GLCCI1: variants seen among roughly 807,000 people sequenced by gnomAD.
GLCCI1 encodes the protein glucocorticoid-induced transcript 1 protein.
In GLCCI1, 24 loss-of-function variants were observed where a neutral mutation model predicts 52.2. The ratio of observed to expected loss-of-function variants is 0.46; its 90% CI spans 0.33 to 0.65. The LOEUF (loss-of-function observed/expected upper bound fraction) is 0.65. GLCCI1 is among the 30% of genes least tolerant of loss of function. The pLI is 0.02. For synonymous variants in GLCCI1, 310 were observed against 276.5 expected, an observed-to-expected ratio of 1.12 and a Z score of -1.20; for missense variants, 704 against 701.5, an observed-to-expected ratio of 1.00 and a Z score of -0.04.
chr7:8,053,315 G>GTTTTT (rs71014751), intron 3 of GLCCI1, among the ~76,000 whole-genome samples: 14 of 129,988 alleles, frequency 1.1e-4, no homozygotes, highest in South Asian at 2.4e-4. Context: ...TTTTGTTTTC[G>GTTTTT]TTTTTTTTTT....
At chr7:8,004,473 C>G (rs1444467376) in intron 2 of GLCCI1, among the ~76,000 whole-genome samples, 5 of 152,096 alleles carry the variant, frequency 3.3e-5, no homozygotes, top group Non-Finnish European at 5.9e-5. Context: ...CTGTTTAAAA[C>G]CAAGACTAAA....
At chr7:7,984,789 C>CT (rs146281745) in intron 1 of GLCCI1, among the ~76,000 whole-genome samples, 2,161 of 152,302 alleles carry the variant, frequency 0.014, 40 homozygotes, top group East Asian at 0.04. Context: ...ATGAATACAT[C>CT]TTTTCCATTC....
chr7:7,986,372 A>T (rs1340655749), intron 1 of GLCCI1, among the ~76,000 whole-genome samples: 1 of 82,850 alleles, frequency 1.2e-5, no homozygotes, highest in African/African-American at 5.3e-5. Context: ...ATTAGCCGGG[A>T]GCAGGGGGAG....
intron 3 of GLCCI1, among the ~76,000 whole-genome samples, chr7:8,030,358 C>A (rs1781719114): frequency 6.6e-6 from 1 of 152,092 alleles, no homozygotes; most frequent in Non-Finnish European, 1.5e-5. Flanking sequence ...AAACCTGACT[C>A]CTTTTTTTCA....
intron 1 of GLCCI1, among the ~76,000 whole-genome samples, chr7:7,993,245 A>C (rs553940577): frequency 7.5e-4 from 114 of 152,218 alleles, no homozygotes; most frequent in African/African-American, 2.6e-3. Flanking sequence ...TCTGTCTTCA[A>C]GGCTCTAGTG....
rs1437972119 is a variant in GLCCI1, at chr7:8,089,075, C to G, written c.*2537C>G. Reference sequence around the variant, plus strand: ...TATTTAAATAAAGTTATTAGTAAAACTGAAATAGTTCACACATGTTTTTGG... The same window carrying G: ...TATTTAAATAAAGTTATTAGTAAAAGTGAAATAGTTCACACATGTTTTTGG... On this transcript the variant is annotated 3_prime_UTR_variant, in exon 8 of 8. Coordinates refer to ENST00000223145, the MANE Select transcript of GLCCI1 (RefSeq NM_138426.4). The G allele has an allele frequency of 1.3e-5, 2 of 152,348 alleles. No individual in the cohort carries two copies. The highest frequency in any genetic ancestry group is 2.4e-5 in the African/African-American group (1 of 41,414). 9.4% of individuals were successfully genotyped at this position (152,348 alleles called of 1,614,324 possible). A position where few individuals can be genotyped will look rare whatever the true frequency, so the allele number is the denominator to read the frequency against.
chr7:8,023,436 A>G (rs1781538423), intron 3 of GLCCI1, among the ~76,000 whole-genome samples: 1 of 151,760 alleles, frequency 6.6e-6, no homozygotes, highest in Non-Finnish European at 1.5e-5. Context: ...ATCTTTATGT[A>G]TATTTTGGAT....
intron 1 of GLCCI1, among the ~76,000 whole-genome samples, chr7:7,976,587 G>A (rs2115403344): frequency 6.6e-6 from 1 of 151,130 alleles, no homozygotes; most frequent in Middle Eastern, 3.5e-3. Flanking sequence ...CAAGGTCAGT[G>A]TCCAAAATTG....
Position 7,969,384 on chromosome 7 carries a change from T to C in GLCCI1, c.34T>C (p.Ser12Pro). 2 of 1,469,566 alleles carry C rather than the reference T, an allele frequency of 1.4e-6. No homozygotes were observed. The highest frequency in any genetic ancestry group is 1.8e-6 in the Non-Finnish European group (2 of 1,110,418). The allele number at this position is 1,469,566 out of a possible 1,614,324, so 91.0% of individuals were successfully genotyped here. ...TGCCTCCTCCTCCTCCTCCTCCAGT[T>C]CCTCTCAGACCCCTCATCCCCCGTC... ...STASSSSSSS[S>P]SQTPHPPSQR... Residue 12 changes from serine to proline, a missense_variant, in exon 1 of 8, where the codon TCC (serine) becomes CCC (proline). Around this residue, in one of 3 missense-constraint regions of GLCCI1, gnomAD observed 547 missense variants for 524.8 expected, o/e 1.04. Transcript: ENST00000223145. This position sits in a 1 kb window ranked among gnomAD's most constrained non-coding sequence, Gnocchi z 4.9.
chr7:7,998,778 G>A (rs1040266304), intron 1 of GLCCI1, among the ~76,000 whole-genome samples: 4 of 152,086 alleles, frequency 2.6e-5, no homozygotes, highest in Admixed American at 2.6e-4. Flanking sequence ...TAAAAGTTTA[G>A]CTGCTAATTA....
chr7:8,078,921 A>G (rs1325727030), intron 6 of GLCCI1, among the ~76,000 whole-genome samples: 2 of 152,224 alleles, frequency 1.3e-5, no homozygotes, highest in African/African-American at 4.8e-5. Flanking sequence ...AAGACATTAT[A>G]ATACCATTTT....
intron 3 of GLCCI1, among the ~76,000 whole-genome samples, chr7:8,024,984 G>A (rs1781582357): frequency 6.6e-6 from 1 of 152,198 alleles, no homozygotes; most frequent in South Asian, 2.1e-4. Flanking sequence ...TGATCTTTGT[G>A]GCAAGTAAAC....
intron 1 of GLCCI1, among the ~76,000 whole-genome samples, chr7:7,976,126 T>C (rs1471164825): frequency 6.6e-6 from 1 of 152,132 alleles, no homozygotes; most frequent in African/African-American, 2.4e-5. Context: ...CGTATATAAC[T>C]TAATGAAGTC....
chr7:8,044,290 G>C (rs978472756), intron 3 of GLCCI1, among the ~76,000 whole-genome samples: 1 of 151,746 alleles, frequency 6.6e-6, no homozygotes, highest in African/African-American at 2.4e-5. Context: ...AAAGTTCAGT[G>C]CTTTTTGAAA....
At chr7:8,044,472 G>A (rs968534669) in intron 3 of GLCCI1, among the ~76,000 whole-genome samples, 2 of 151,334 alleles carry the variant, frequency 1.3e-5, no homozygotes, top group Non-Finnish European at 2.9e-5. Context: ...GGGTTCAAGT[G>A]ATCCTTCTAC....
intron 3 of GLCCI1, among the ~76,000 whole-genome samples, chr7:8,028,177 T>C (rs1328464490): frequency 6.6e-6 from 1 of 152,294 alleles, no homozygotes; most frequent in East Asian, 1.9e-4. Context: ...CCTCAGCACA[T>C]GGATCATTCT....
intron 1 of GLCCI1, among the ~76,000 whole-genome samples, chr7:7,978,260 T>C (rs1402118453): frequency 6.6e-6 from 1 of 152,206 alleles, no homozygotes; most frequent in Non-Finnish European, 1.5e-5. Context: ...TTTGGCAATG[T>C]AAACTTTAAA....
chr7:8,003,927 G>T lies in GLCCI1; in HGVS notation c.477G>T (p.Gln159His). Reference sequence around the variant, plus strand: ...CTGTAGCGGACAAGGCAAAATCTCAGCAAGTTCGGACCTCTAGTACAATAA... The same window carrying T: ...CTGTAGCGGACAAGGCAAAATCTCATCAAGTTCGGACCTCTAGTACAATAA... ...PVCRADKAKS[Q>H]QVRTSSTIRR... The change falls in exon 2 of 8, where the codon CAG becomes CAT. Residue 159 changes from glutamine (Q) to histidine (H), a missense_variant. Physicochemically the swap from Gln to His is conservative, Grantham distance 24. Around this residue, in one of 3 missense-constraint regions of GLCCI1, gnomAD observed 547 missense variants for 524.8 expected, o/e 1.04. Coordinates refer to ENST00000223145, the MANE Select transcript of GLCCI1 (RefSeq NM_138426.4). The T allele has an allele frequency of 6.2e-7, 1 of 1,611,292 alleles. No homozygotes were observed. The highest frequency in any genetic ancestry group is 8.5e-7 in the Non-Finnish European group (1 of 1,178,664).
At chr7:7,986,916 T>C (rs1270925582) in intron 1 of GLCCI1, among the ~76,000 whole-genome samples, 1 of 152,230 alleles carries the variant, frequency 6.6e-6, no homozygotes, top group African/African-American at 2.4e-5. Flanking sequence ...CTCAGAATTA[T>C]CTACTGAACA....
Sources: allele counts gnomAD v4.1 joint callset (sites outside exome capture counted in the v4.1 genomes callset), GRCh38; gene constraint gnomAD v4.1.1; regional missense constraint gnomAD v4.1.1; non-coding constraint Gnocchi (gnomAD v3.1); transcripts MANE v1.5; gene names NCBI Gene and HGNC (gene_info 2026-07-23, HGNC 2026-07-21).